The following ABTB3 variants were observed in gnomAD, a reference collection of about 807,000 sequenced individuals.
The protein encoded by ABTB3 is ankyrin repeat- and BTB/POZ domain-containing protein 3.
At chr12:107,534,721 A>G in the ABTB3 span, among the ~76,000 whole-genome samples, 1 of 152,168 alleles carries the variant, frequency 6.6e-6, no homozygotes, top group Non-Finnish European at 1.5e-5. Context: ...GACACCTACC[A>G]CCTACCAAGA....
At chr12:107,567,880 A>T in the ABTB3 span, among the ~76,000 whole-genome samples, 99 of 152,310 alleles carry the variant, frequency 6.5e-4, 2 homozygotes, top group Non-Finnish European at 1.2e-3. Flanking sequence ...CTTCCATGAA[A>T]CCAGTCCCTG....
At chr12:107,388,241 G>A in the ABTB3 span, among the ~76,000 whole-genome samples, 2 of 151,706 alleles carry the variant, frequency 1.3e-5, no homozygotes, top group Non-Finnish European at 2.9e-5. Flanking sequence ...CAAAGTGCTG[G>A]GATTACAGGC....
chr12:107,603,943 GC>G, the ABTB3 span, among the ~76,000 whole-genome samples: 1 of 152,186 alleles, frequency 6.6e-6, no homozygotes, highest in Non-Finnish European at 1.5e-5. Context: ...GCTGAGGCAG[GC>G]GGATCACAAG....
At chr12:107,441,139 GGT>G in the ABTB3 span, among the ~76,000 whole-genome samples, 1 of 152,098 alleles carries the variant, frequency 6.6e-6, no homozygotes, top group South Asian at 2.1e-4. Flanking sequence ...ATTACCTGGG[GGT>G]CACGTGGCCA....
At chr12:107,571,543 T>A in the ABTB3 span, among the ~76,000 whole-genome samples, 4 of 152,266 alleles carry the variant, frequency 2.6e-5, no homozygotes, top group Non-Finnish European at 5.9e-5. Context: ...TTTAGGCTTC[T>A]AGAGCCACCT....
At chr12:107,534,869 A>G in the ABTB3 span, among the ~76,000 whole-genome samples, 1 of 152,218 alleles carries the variant, frequency 6.6e-6, no homozygotes, top group East Asian at 1.9e-4. Flanking sequence ...CTTTTAAAGA[A>G]GAATTAACAC....
chr12:107,485,385 G>A, the ABTB3 span, among the ~76,000 whole-genome samples: 1 of 152,178 alleles, frequency 6.6e-6, no homozygotes, highest in Non-Finnish European at 1.5e-5. Context: ...TGTGTCCTAG[G>A]CAGTTTGGGT....
the ABTB3 span, among the ~76,000 whole-genome samples, chr12:107,596,748 C>T: frequency 6.6e-6 from 1 of 152,192 alleles, no homozygotes; most frequent in Non-Finnish European, 1.5e-5. Context: ...GCCTCTCCCT[C>T]CTTCCCTCCC....
chr12:107,403,653 T>A, the ABTB3 span, among the ~76,000 whole-genome samples: 1 of 152,212 alleles, frequency 6.6e-6, no homozygotes, highest in Non-Finnish European at 1.5e-5. Flanking sequence ...TTCTTGTTTT[T>A]AAAAACTTAC....
At chr12:107,388,685 G>A in the ABTB3 span, among the ~76,000 whole-genome samples, 1 of 152,206 alleles carries the variant, frequency 6.6e-6, no homozygotes, top group Non-Finnish European at 1.5e-5. Context: ...GGCCTGGCAA[G>A]TGGCATCTGC....
At chr12:107,553,622 G>A in the ABTB3 span, among the ~76,000 whole-genome samples, 15,732 of 152,146 alleles carry the variant, frequency 0.1, 1,133 homozygotes, top group East Asian at 0.23. Flanking sequence ...AAGGTGGCAG[G>A]ACGTTCTCCT....
the ABTB3 span, among the ~76,000 whole-genome samples, chr12:107,576,583 C>T: frequency 6.6e-6 from 1 of 152,192 alleles, no homozygotes; most frequent in Non-Finnish European, 1.5e-5. Context: ...GGCTCTCTCT[C>T]CAAATACAGG....
chr12:107,386,868 C>T, the ABTB3 span, among the ~76,000 whole-genome samples: 385 of 148,228 alleles, frequency 2.6e-3, 1 homozygote, highest in African/African-American at 8.8e-3. Context: ...GGTGGGAGGC[C>T]GAGAAGTCGA....
the ABTB3 span, among the ~76,000 whole-genome samples, chr12:107,390,032 A>G: frequency 6.6e-6 from 1 of 152,154 alleles, no homozygotes; most frequent in Non-Finnish European, 1.5e-5. Flanking sequence ...CAAAAGCTCA[A>G]AAGCAGAAGC....
At chr12:107,639,240 G>A in the ABTB3 span, among the ~76,000 whole-genome samples, 1 of 152,236 alleles carries the variant, frequency 6.6e-6, no homozygotes, top group African/African-American at 2.4e-5. Flanking sequence ...GTTTGACAGG[G>A]AGAAGCCAGA....
At chr12:107,589,736 A>G in the ABTB3 span, among the ~76,000 whole-genome samples, 1 of 152,202 alleles carries the variant, frequency 6.6e-6, no homozygotes, top group African/African-American at 2.4e-5. Flanking sequence ...TGTATTCCAG[A>G]CAGCTGGCCT....
At chr12:107,391,178 A>G in the ABTB3 span, among the ~76,000 whole-genome samples, 2 of 152,214 alleles carry the variant, frequency 1.3e-5, no homozygotes, top group African/African-American at 4.8e-5. Flanking sequence ...AAAATATTTT[A>G]TTGAACCCTC....
At chr12:107,327,025 C>T in the ABTB3 span, among the ~76,000 whole-genome samples, 1 of 152,124 alleles carries the variant, frequency 6.6e-6, no homozygotes, top group Non-Finnish European at 1.5e-5. Flanking sequence ...TGAAGTTGGT[C>T]GTGGGCAGTA....
chr12:107,566,444 C>T, the ABTB3 span, among the ~76,000 whole-genome samples: 3 of 152,102 alleles, frequency 2.0e-5, no homozygotes, highest in Non-Finnish European at 4.4e-5. Flanking sequence ...GCCAGACTCA[C>T]AGTATGAGTT....
Sources: gnomAD v4.1 joint callset for allele counts (sites outside exome capture counted in the v4.1 genomes callset) on GRCh38, gnomAD v4.1.1 for gene constraint, MANE v1.5 for transcripts, NCBI Gene and HGNC (gene_info 2026-07-23, HGNC 2026-07-21) for gene names.